Variants in GFRAL observed in about 807,000 individuals in gnomAD.
GFRAL encodes GDNF family receptor alpha-like.
GFRAL carries 36 observed loss-of-function variants against 45.4 expected under a neutral mutation model. That is an observed-to-expected ratio of 0.79 (90% confidence interval 0.61 to 1.05). GFRAL has a LOEUF of 1.05. Ranked by LOEUF, GFRAL falls within the 50% of genes least tolerant of loss-of-function variation. The pLI is 0.00. For synonymous variants in GFRAL, 166 were observed against 154.1 expected (o/e 1.08, Z -0.57); for missense variants, 507 against 467.5 (o/e 1.08, Z -0.78).
At chr6:55,399,323 C>G in intron 7 of GFRAL, 46 bp from the exon 8 acceptor site, 1 of 1,540,728 alleles carries the variant, frequency 6.5e-7, no homozygotes, top group Non-Finnish European at 8.9e-7. Flanking sequence ...TTTATTTCCT[C>G]TAAAAATCCA....
chr6:55,333,014 C>A (rs1275555846), intron 2 of GFRAL, among the ~76,000 whole-genome samples: 1 of 151,970 alleles, frequency 6.6e-6, no homozygotes, highest in Admixed American at 6.6e-5. Context: ...GATTAAACTT[C>A]TTGCTACATT....
chr6:55,358,445 A>G (rs186584866), intron 5 of GFRAL, among the ~76,000 whole-genome samples: 75 of 152,118 alleles, frequency 4.9e-4, no homozygotes, highest in African/African-American at 1.8e-3. Flanking sequence ...TTGAGAAAGT[A>G]TAAAGCGCCT....
chr6:55,374,509 C>T (rs1031349758), intron 6 of GFRAL, among the ~76,000 whole-genome samples: 3 of 151,848 alleles, frequency 2.0e-5, no homozygotes, highest in African/African-American at 7.3e-5. Flanking sequence ...GTTTAAGTTA[C>T]TTGTAGATTC....
Position 55,367,175 on chromosome 6 carries a change from G to A in GFRAL, c.952+8037G>A, listed in dbSNP as rs1261070667. Among the ~76,000 whole-genome samples, 3 of 116,368 alleles carry A rather than the reference G, an allele frequency of 2.6e-5. No individual in the cohort carries two copies. In the East Asian group the frequency reaches 6.1e-4, roughly 24 times the overall value. The allele number at this position is 116,368 out of a possible 152,430, so 76.3% of individuals were successfully genotyped here. Reference sequence around the variant, plus strand: ...GATAGTTAGCTCTTCTTGTTGAATTGATCCCTTTACCATTATGTAATGGCC... The same window carrying A: ...GATAGTTAGCTCTTCTTGTTGAATTAATCCCTTTACCATTATGTAATGGCC... On this transcript the variant is annotated intron_variant, in intron 6 of 8. Coordinates refer to ENST00000340465, the MANE Select transcript of GFRAL (RefSeq NM_207410.2).
chr6:55,372,856 A>T (rs923971675), intron 6 of GFRAL, among the ~76,000 whole-genome samples: 1 of 152,200 alleles, frequency 6.6e-6, no homozygotes, highest in Non-Finnish European at 1.5e-5. Flanking sequence ...CTTCACACAG[A>T]GAATATGCTT....
intron 3 of GFRAL, 43 bp from the exon 4 acceptor site, chr6:55,350,049 A>G: frequency 8.2e-7 from 1 of 1,215,010 alleles, no homozygotes; most frequent in Non-Finnish European, 1.2e-6. Flanking sequence ...GGAAATTCAG[A>G]AAATTGTTCA....
At chr6:55,378,819 T>G (rs1051783067) in intron 6 of GFRAL, among the ~76,000 whole-genome samples, 2 of 152,026 alleles carry the variant, frequency 1.3e-5, no homozygotes, top group African/African-American at 4.8e-5. Context: ...TGGGAAGGAT[T>G]TCCTTTTACC....
chr6:55,340,125 A>T (rs990887035), intron 3 of GFRAL, among the ~76,000 whole-genome samples: 2 of 152,214 alleles, frequency 1.3e-5, no homozygotes, highest in African/African-American at 4.8e-5. Flanking sequence ...ATAATTCATG[A>T]CAAAGAATTA....
chr6:55,350,510 A>G (rs1768101905), intron 4 of GFRAL, among the ~76,000 whole-genome samples: 1 of 152,068 alleles, frequency 6.6e-6, no homozygotes, highest in African/African-American at 2.4e-5. Context: ...CCCTGTCTCT[A>G]CAAAAACAAA....
rs1302672892 is a variant in GFRAL at position 55,351,237 on chromosome 6, A to G, written c.371-16A>G. 1.3e-6 allele frequency: 2 copies of G among 1,547,962 alleles called. No homozygotes were observed. Among genetic ancestry groups the G allele is most frequent in the African/African-American group, 2.7e-5 (2 of 73,168 alleles). On this transcript the variant is annotated splice_polypyrimidine_tract_variant and intron_variant, in intron 4 of 8. Transcript: ENST00000340465. ...GTGTTTACTTTTCCACGACCTGGGC[A>G]TATCATTGCTTTCAGGATTCAAAGG...
chr6:55,333,119 G>C lies in GFRAL; in HGVS notation c.158-667G>C, dbSNP rs141445229. On this transcript the variant is annotated intron_variant, in intron 2 of 8. Coordinates refer to ENST00000340465, the MANE Select transcript of GFRAL (RefSeq NM_207410.2). ...TTCAGTATACAAATAGTCTTTTGCA[G>C]TAAATTGCAATAATATTTGCATAAT... Among the ~76,000 whole-genome samples the C allele has an allele frequency of 4.3e-3, 650 of 152,158 alleles. 7 individuals carry two copies. Among genetic ancestry groups the C allele is most frequent in the African/African-American group, 0.014 (571 of 41,534 alleles).
intron 3 of GFRAL, among the ~76,000 whole-genome samples, chr6:55,340,216 C>T (rs1035267134): frequency 6.6e-6 from 1 of 152,124 alleles, no homozygotes; most frequent in South Asian, 2.1e-4. Flanking sequence ...CTGCAGCATC[C>T]TCCACAGACC....
At chr6:55,359,191 A>G in intron 6 of GFRAL, 53 bp downstream of exon 6, 1 of 1,451,362 alleles carries the variant, frequency 6.9e-7, no homozygotes, top group Non-Finnish European at 9.4e-7. Flanking sequence ...TCTATCATCT[A>G]TCTATCTATC....
intron 3 of GFRAL, among the ~76,000 whole-genome samples, chr6:55,334,608 G>A (rs1042333706): frequency 6.6e-6 from 1 of 152,148 alleles, no homozygotes; most frequent in African/African-American, 2.4e-5. Flanking sequence ...ATCACAGAGT[G>A]CTCAATTCTT....
chr6:55,356,726 C>A (rs1387769005), intron 5 of GFRAL, among the ~76,000 whole-genome samples: 1 of 151,546 alleles, frequency 6.6e-6, no homozygotes, highest in Non-Finnish European at 1.5e-5. Flanking sequence ...TTATTTTCTA[C>A]TATTAATTTT....
At chr6:55,356,011 T>C (rs925388893) in intron 5 of GFRAL, among the ~76,000 whole-genome samples, 2 of 147,516 alleles carry the variant, frequency 1.4e-5, no homozygotes, top group African/African-American at 2.6e-5. Context: ...ATTTTGTTGA[T>C]ATGATGTATC....
At chr6:55,341,490 CAGAA>C (rs1767964795) in intron 3 of GFRAL, among the ~76,000 whole-genome samples, 1 of 152,190 alleles carries the variant, frequency 6.6e-6, no homozygotes, top group African/African-American at 2.4e-5. Flanking sequence ...AACTAACAAA[CAGAA>C]AGGACATCCA....
At chr6:55,374,855 C>T (rs989606342) in intron 6 of GFRAL, among the ~76,000 whole-genome samples, 1 of 152,110 alleles carries the variant, frequency 6.6e-6, no homozygotes, top group Non-Finnish European at 1.5e-5. Context: ...AACCAGCACT[C>T]CAGGCATCAT....
chr6:55,371,000 C>T (rs1768443285), intron 6 of GFRAL, among the ~76,000 whole-genome samples: 1 of 152,182 alleles, frequency 6.6e-6, no homozygotes, highest in African/African-American at 2.4e-5. Flanking sequence ...CCCAACACCC[C>T]TTCACTTCGC....
Sources: gnomAD v4.1 joint callset for allele counts (sites outside exome capture counted in the v4.1 genomes callset) on GRCh38, gnomAD v4.1.1 for gene constraint, MANE v1.5 for transcripts, NCBI Gene and HGNC (gene_info 2026-07-23, HGNC 2026-07-21) for gene names.